Variants in GABBR1 observed in about 807,000 individuals in gnomAD.
The protein encoded by GABBR1 is gamma-aminobutyric acid type B receptor subunit 1.
In GABBR1, 35 loss-of-function variants were observed where a neutral mutation model predicts 117.7. The ratio of observed to expected loss-of-function variants is 0.30; its 90% CI spans 0.23 to 0.39. The LOEUF (loss-of-function observed/expected upper bound fraction) is 0.39. Among genes scored for constraint, GABBR1 ranks in the 10% least tolerant of loss-of-function variants. The pLI is 1.00. For synonymous variants in GABBR1, 442 were observed against 486.6 expected (o/e 0.91, Z 1.21); for missense variants, 709 against 1,241.8 (o/e 0.57, Z 6.45).
In GABBR1 at chr6:29,620,548, A is replaced by C. The variant is rs1327671740; in HGVS notation, c.1323+553T>G. Among the ~76,000 whole-genome samples, 1 of 152,182 alleles carries C rather than the reference A, an allele frequency of 6.6e-6. No homozygotes were observed. The highest frequency in any genetic ancestry group is 1.5e-5 in the Non-Finnish European group (1 of 68,032). ...TCAGAGAATGCGCCTCCTCGCTCCA[A>C]GTCTGTCATTAACCAGCTGTCTGGG... On this transcript the variant is annotated intron_variant, in intron 11 of 22. Coordinates refer to ENST00000377034, the MANE Select transcript of GABBR1 (RefSeq NM_001470.4). This position sits in a 1 kb window ranked among gnomAD's most constrained non-coding sequence, Gnocchi z 4.5.
At chr6:29,603,789 G>C in intron 22 of GABBR1, 73 bp from the exon 23 acceptor site, 5 of 1,190,986 alleles carry the variant, frequency 4.2e-6, no homozygotes, top group South Asian at 2.3e-5. Context: ...GGGAAAGAGA[G>C]GAAGGGCACA....
In GABBR1 at chr6:29,607,327, G is replaced by A. The variant is rs971137208; in HGVS notation, c.1993-109C>T. On this transcript the variant is annotated intron_variant, in intron 16 of 22. Coordinates refer to ENST00000377034, the MANE Select transcript of GABBR1 (RefSeq NM_001470.4). The surrounding 1 kb of genome is among the most constrained non-coding windows in gnomAD (Gnocchi z 5.0). Reference sequence around the variant, plus strand: ...AGTGGGCAGGGAGCACGGGCAGGGAGCTCATGGTGGCACAGGGAGGATGCG... The same window carrying A: ...AGTGGGCAGGGAGCACGGGCAGGGAACTCATGGTGGCACAGGGAGGATGCG... The A allele has an allele frequency of 1.2e-6, 1 of 828,770 alleles. No homozygotes were observed. Among genetic ancestry groups the A allele is most frequent in the Non-Finnish European group, 2.0e-6 (1 of 493,458 alleles). 51.3% of individuals were successfully genotyped at this position (828,770 alleles called of 1,614,324 possible).
chr6:29,616,211 A>T (rs1763084249), intron 11 of GABBR1, among the ~76,000 whole-genome samples: 1 of 151,932 alleles, frequency 6.6e-6, no homozygotes, highest in Non-Finnish European at 1.5e-5. Context: ...CAAAAAAAAA[A>T]ATACAAAAAT....
In GABBR1 at chr6:29,621,358, T is replaced by C. The variant is rs913788628; in HGVS notation, c.1132-66A>G. 1 of 1,295,536 alleles carries C rather than the reference T, an allele frequency of 7.7e-7. No homozygotes were observed. 80.3% of individuals were successfully genotyped at this position (1,295,536 alleles called of 1,614,324 possible). ...TTGTTTGTTTTTGTCTTATCTCACT[T>C]GATACTATTTAGCCTCTTGGGAATC... On this transcript the variant is annotated intron_variant, in intron 10 of 22. Transcript: ENST00000377034. This position sits in a 1 kb window ranked among gnomAD's most constrained non-coding sequence, Gnocchi z 5.0.
In GABBR1 at chr6:29,623,056, C is replaced by T. The variant is rs1763921070; in HGVS notation, c.963+249G>A. Reference sequence around the variant, plus strand: ...TTAACAGAACTGAGTCATTCTGGGTCTATATGTCTGGGGAACAGGGCATCA... The same window carrying T: ...TTAACAGAACTGAGTCATTCTGGGTTTATATGTCTGGGGAACAGGGCATCA... On this transcript the variant is annotated intron_variant, in intron 8 of 22. Coordinates refer to ENST00000377034, the MANE Select transcript of GABBR1 (RefSeq NM_001470.4). The surrounding 1 kb of genome is among the most constrained non-coding windows in gnomAD (Gnocchi z 6.2). Among the ~76,000 whole-genome samples, 1 of 152,002 alleles carries T rather than the reference C, an allele frequency of 6.6e-6. No homozygotes were observed. The highest frequency in any genetic ancestry group is 2.4e-5 in the African/African-American group (1 of 41,356).
At position 29,627,640 on chromosome 6, in the gene GABBR1, C is replaced by G; in HGVS notation, c.503G>C (p.Arg168Pro). The G allele has an allele frequency of 6.4e-7, 1 of 1,551,804 alleles. No individual in the cohort carries two copies. The highest frequency in any genetic ancestry group is 8.7e-7 in the Non-Finnish European group (1 of 1,152,652). Reference sequence around the variant, plus strand: ...AAACAGTGCCCCGATGTACACTGCGCGCCGTTCTGAGGAGGGGTGCGGGGG... The same window carrying G: ...AAACAGTGCCCCGATGTACACTGCGGGCCGTTCTGAGGAGGGGTGCGGGGG... ...QVNRTPHSER[R>P]AVYIGALFPM... The change falls in exon 6 of 23, where the codon CGC becomes CCC. Residue 168 changes from arginine to proline, a missense_variant. By Grantham distance (103) the Arg-to-Pro change is moderately radical. This residue lies in a region of GABBR1 where 192 missense variants were observed against 418.4 expected (regional missense o/e 0.46). Coordinates refer to ENST00000377034, the MANE Select transcript of GABBR1 (RefSeq NM_001470.4). The surrounding 1 kb of genome is among the most constrained non-coding windows in gnomAD (Gnocchi z 4.4).
At chr6:29,608,930 G>T (rs777680256) in intron 15 of GABBR1, among the ~76,000 whole-genome samples, 197 bp from the exon 16 acceptor site, 1 of 152,184 alleles carries the variant, frequency 6.6e-6, no homozygotes, top group Non-Finnish European at 1.5e-5. Flanking sequence ...GAGTTGCAGA[G>T]GGCTTCCCAA....
Position 29,603,563 on chromosome 6 carries a change from C to T in GABBR1, c.2866G>A (p.Val956Met). The change falls in exon 23 of 23, where the codon GTG (valine) becomes ATG (methionine). Residue 956 changes from valine (V) to methionine (M), a missense_variant. Around this residue, in one of 9 missense-constraint regions of GABBR1, gnomAD observed 69 missense variants for 64.3 expected, o/e 1.07. Coordinates refer to ENST00000377034, the MANE Select transcript of GABBR1 (RefSeq NM_001470.4). ...PDRLSCDGSR[V>M]HLLYK The stretch of plus-strand genomic sequence containing the variant: ...TACCCTCACTTATAAAGCAAATGCA[C>T]TCGACTCCCATCACAGCTAAGCCGG... 6.3e-7 allele frequency: 1 copy of T among 1,586,438 alleles called. No homozygotes were observed. Among genetic ancestry groups the T allele is most frequent in the Non-Finnish European group, 8.6e-7 (1 of 1,166,812 alleles).
chr6:29,606,296 C>T lies in GABBR1; in HGVS notation c.2311+95G>A. ...ACTGGGTTGACAAGCTCTCTACCTCCTCTTCCAAAGACCCCTCTCCCTCCA... is the reference window on the plus strand; with the variant it reads ...ACTGGGTTGACAAGCTCTCTACCTCTTCTTCCAAAGACCCCTCTCCCTCCA... On this transcript the variant is annotated intron_variant, in intron 19 of 22. Coordinates refer to ENST00000377034, the MANE Select transcript of GABBR1 (RefSeq NM_001470.4). The surrounding 1 kb of genome is among the most constrained non-coding windows in gnomAD (Gnocchi z 4.5). 8.2e-6 allele frequency: 7 copies of T among 848,700 alleles called. No homozygotes were observed. The highest frequency in any genetic ancestry group is 1.0e-5 in the Non-Finnish European group (5 of 493,036). 52.6% of individuals were successfully genotyped at this position (848,700 alleles called of 1,614,324 possible). A position where few individuals can be genotyped will look rare whatever the true frequency, so the allele number is the denominator to read the frequency against.
Position 29,606,745 on chromosome 6 carries a change from C to T in GABBR1, c.2217+152G>A, listed in dbSNP as rs1218854275. 2 of 683,726 alleles carry T rather than the reference C, an allele frequency of 2.9e-6. No individual in the cohort carries two copies. Among genetic ancestry groups the T allele is most frequent in the African/African-American group, 1.8e-5 (1 of 55,528 alleles). 42.4% of individuals were successfully genotyped at this position (683,726 alleles called of 1,614,324 possible). ...GCTGAATCTGGAGGCCTATGAGGGG[C>T]TCCTTCTAGGAAGGAAAGGAAGAGC... On this transcript the variant is annotated intron_variant, in intron 18 of 22. Transcript: ENST00000377034. This position sits in a 1 kb window ranked among gnomAD's most constrained non-coding sequence, Gnocchi z 4.5.
chr6:29,620,369 A>G lies in GABBR1; in HGVS notation c.1323+732T>C, dbSNP rs29246. On this transcript the variant is annotated intron_variant, in intron 11 of 22. Transcript: ENST00000377034. The surrounding 1 kb of genome is among the most constrained non-coding windows in gnomAD (Gnocchi z 4.5). ...TCCAAAGCAGGTACACACTTGGTGTAATAAGCAGACACATAGGTGGCCGTA... is the reference window on the plus strand; with the variant it reads ...TCCAAAGCAGGTACACACTTGGTGTGATAAGCAGACACATAGGTGGCCGTA... 0.043 allele frequency among the ~76,000 whole-genome samples: 6,543 copies of G among 152,318 alleles called. 174 individuals are homozygous for G. Among genetic ancestry groups the G allele is most frequent in the Middle Eastern group, 0.15 (43 of 294 alleles).
chr6:29,602,850 A>T lies in GABBR1; in HGVS notation c.*693T>A. On this transcript the variant is annotated 3_prime_UTR_variant, in exon 23 of 23. Coordinates refer to ENST00000377034, the MANE Select transcript of GABBR1 (RefSeq NM_001470.4). ...GCACACGTAGCTGTGAATGCAGGGC[A>T]CCCGAGAGCACATGTGACTGAACAT... is the stretch of plus-strand genomic sequence containing the variant. The T allele has an allele frequency of 2.7e-6, 1 of 365,800 alleles. No homozygotes were observed. The highest frequency in any genetic ancestry group is 5.4e-6 in the Non-Finnish European group (1 of 185,630). The allele number at this position is 365,800 out of a possible 1,614,324, so 22.7% of individuals were successfully genotyped here. A position where few individuals can be genotyped will look rare whatever the true frequency, so the allele number is the denominator to read the frequency against.
In GABBR1 at chr6:29,630,267, G is replaced by A. The variant is rs968412857; in HGVS notation, c.475+191C>T. 1 of 533,254 alleles carries A rather than the reference G, an allele frequency of 1.9e-6. No homozygotes were observed. Among genetic ancestry groups the A allele is most frequent in the Non-Finnish European group, 3.3e-6 (1 of 298,676 alleles). The allele number at this position is 533,254 out of a possible 1,614,324, so 33.0% of individuals were successfully genotyped here. A position where few individuals can be genotyped will look rare whatever the true frequency, so the allele number is the denominator to read the frequency against. ...AAAGGAAGGAAGCCCCCAACCTACA[G>A]AGGATACCGGGGACTGCAAGAGGAA... On this transcript the variant is annotated intron_variant, in intron 4 of 22. Coordinates refer to ENST00000377034, the MANE Select transcript of GABBR1 (RefSeq NM_001470.4). The surrounding 1 kb of genome is among the most constrained non-coding windows in gnomAD (Gnocchi z 4.9).
rs1377413613 is a variant in GABBR1, at chr6:29,620,202, T to A, written c.1323+899A>T. On this transcript the variant is annotated intron_variant, in intron 11 of 22. Coordinates refer to ENST00000377034, the MANE Select transcript of GABBR1 (RefSeq NM_001470.4). This position sits in a 1 kb window ranked among gnomAD's most constrained non-coding sequence, Gnocchi z 4.5. ...TCTCATTTTCCTGGTCTACAAAATGTAGATAAGTCCACATCAGAGTTTTGC... is the reference window on the plus strand; with the variant it reads ...TCTCATTTTCCTGGTCTACAAAATGAAGATAAGTCCACATCAGAGTTTTGC... 1.6e-4 allele frequency among the ~76,000 whole-genome samples: 25 copies of A among 152,208 alleles called. No homozygotes were observed. Among genetic ancestry groups the A allele is most frequent in the Admixed American group, 1.6e-3 (25 of 15,282 alleles).
chr6:29,612,501 C>T, intron 13 of GABBR1, 50 bp downstream of exon 13: 1 of 1,538,724 alleles, frequency 6.5e-7, no homozygotes, highest in Non-Finnish European at 9.0e-7. Flanking sequence ...CATCCCAGCC[C>T]AGCCCCAGCC....
intron 6 of GABBR1, among the ~76,000 whole-genome samples, chr6:29,626,471 G>A (rs1210653083): frequency 1.3e-5 from 2 of 151,620 alleles, no homozygotes; most frequent in African/African-American, 4.9e-5. Context: ...ATCCTTCCCT[G>A]CACCCCCAAT....
chr6:29,607,369 G>C lies in GABBR1; in HGVS notation c.1993-151C>G. 2 of 653,074 alleles carry C rather than the reference G, an allele frequency of 3.1e-6. No individual in the cohort carries two copies. Among genetic ancestry groups the C allele is most frequent in the South Asian group, 1.8e-5 (1 of 57,082 alleles). 40.5% of individuals were successfully genotyped at this position (653,074 alleles called of 1,614,324 possible). A position where few individuals can be genotyped will look rare whatever the true frequency, so the allele number is the denominator to read the frequency against. On this transcript the variant is annotated intron_variant, in intron 16 of 22. Transcript: ENST00000377034. The surrounding 1 kb of genome is among the most constrained non-coding windows in gnomAD (Gnocchi z 5.0). Reference sequence around the variant, plus strand: ...GAGGATGCGAAAATGTGAGCAGGACGGGGAGCGGCAGGAGGAGAGCAGTCT... The same window carrying C: ...GAGGATGCGAAAATGTGAGCAGGACCGGGAGCGGCAGGAGGAGAGCAGTCT...
Position 29,609,111 on chromosome 6 carries a change from T to A in GABBR1, c.1859+118A>T. The A allele has an allele frequency of 1.0e-6, 1 of 1,003,848 alleles. No homozygotes were observed. Among genetic ancestry groups the A allele is most frequent in the Non-Finnish European group, 1.5e-6 (1 of 682,986 alleles). The allele number at this position is 1,003,848 out of a possible 1,614,324, so 62.2% of individuals were successfully genotyped here. A position where few individuals can be genotyped will look rare whatever the true frequency, so the allele number is the denominator to read the frequency against. On this transcript the variant is annotated intron_variant, in intron 15 of 22. Transcript: ENST00000377034. The surrounding 1 kb of genome is among the most constrained non-coding windows in gnomAD (Gnocchi z 4.3). ...TGTTTTCATTCTCAACAAGTCAGAA[T>A]GAAAAACTCCATGATACATGGCCAT...
rs1367103182 is a variant in GABBR1, at chr6:29,632,344, G to A, written c.42C>T (p.Pro14=). The A allele has an allele frequency of 7.3e-7, 1 of 1,364,190 alleles. No homozygotes were observed. The highest frequency in any genetic ancestry group is 9.5e-7 in the Non-Finnish European group (1 of 1,054,366). 84.5% of individuals were successfully genotyped at this position (1,364,190 alleles called of 1,614,324 possible). The part of the protein sequence containing the change: ...LLLLAPLFLR[P]PGAGGAQTPN... The stretch of plus-strand genomic sequence containing the variant: ...GGGTCTGCGCCCCGCCCGCGCCCGG[G>A]GGGCGGAGGAAGAGTGGCGCCAGTA... The change falls in exon 2 of 23, where the codon CCC becomes CCT. Residue 14 remains proline (P), a synonymous_variant. Transcript: ENST00000377034. This position sits in a 1 kb window ranked among gnomAD's most constrained non-coding sequence, Gnocchi z 5.8.
Sources: allele counts gnomAD v4.1 joint callset (sites outside exome capture counted in the v4.1 genomes callset), GRCh38; gene constraint gnomAD v4.1.1; regional missense constraint gnomAD v4.1.1; non-coding constraint Gnocchi (gnomAD v3.1); transcripts MANE v1.5; gene names NCBI Gene and HGNC (gene_info 2026-07-23, HGNC 2026-07-21).